Variants in CYTH3 observed in about 807,000 individuals in gnomAD.
CYTH3 encodes cytohesin 3.
CYTH3 carries 23 observed loss-of-function variants against 55.1 expected under a neutral mutation model. That is an observed-to-expected ratio of 0.42 (90% CI 0.30 to 0.59). The LOEUF is 0.59. Ranked by LOEUF, CYTH3 falls within the 20% of genes least tolerant of loss-of-function variation. The pLI is 0.20. For synonymous variants in CYTH3, 249 were observed against 194.9 expected, an observed-to-expected ratio of 1.28 and a Z score of -2.31; for missense variants, 413 against 524.8, an observed-to-expected ratio of 0.79 and a Z score of 2.08.
intron 1 of CYTH3, among the ~76,000 whole-genome samples, chr7:6,260,553 C>G (rs1171021917): frequency 6.6e-6 from 1 of 152,130 alleles, no homozygotes; most frequent in Non-Finnish European, 1.5e-5. Context: ...TAGCCCACTC[C>G]AGTCTAGCTA....
chr7:6,172,851 G>A (rs748858948), intron 6 of CYTH3: 48 of 1,274,530 alleles, frequency 3.8e-5, no homozygotes, highest in East Asian at 5.8e-5. Context: ...CCCAGGCTGC[G>A]CTGTGAGCAC....
At chr7:6,165,682 G>T in intron 10 of CYTH3, 52 bp downstream of exon 10, 2 of 1,613,510 alleles carry the variant, frequency 1.2e-6, no homozygotes, top group Non-Finnish European at 1.7e-6. Context: ...CTCGGCCCCA[G>T]GGCAGCTCCG....
At chr7:6,231,571 G>C (rs900859250) in intron 1 of CYTH3, among the ~76,000 whole-genome samples, 3 of 152,236 alleles carry the variant, frequency 2.0e-5, no homozygotes, top group African/African-American at 7.2e-5. Flanking sequence ...GCACACTGGA[G>C]AAATGTATGT....
intron 5 of CYTH3, 127 bp downstream of exon 5, chr7:6,177,696 G>C (rs1454449253): frequency 1.4e-6 from 1 of 711,790 alleles, no homozygotes; most frequent in Non-Finnish European, 2.4e-6. Context: ...CGGGCATGTG[G>C]ATGCCCACAG....
chr7:6,175,072 C>A (rs1783308929), intron 5 of CYTH3, among the ~76,000 whole-genome samples: 1 of 152,148 alleles, frequency 6.6e-6, no homozygotes, highest in Non-Finnish European at 1.5e-5. Flanking sequence ...TTATAATCTG[C>A]TAAGGACTTA....
At chr7:6,183,507 CT>C (rs1430742186) in intron 4 of CYTH3, among the ~76,000 whole-genome samples, 6 of 152,222 alleles carry the variant, frequency 3.9e-5, no homozygotes, top group African/African-American at 1.4e-4. Flanking sequence ...TCAAGTACTA[CT>C]TCTAGAAATA....
intron 1 of CYTH3, among the ~76,000 whole-genome samples, chr7:6,233,137 G>A (rs1779429347): frequency 1.3e-5 from 2 of 152,116 alleles, no homozygotes; most frequent in African/African-American, 4.8e-5. Flanking sequence ...GTTCTCTGAA[G>A]TTGCTTTCTC....
At chr7:6,190,375 GCTA>G in intron 2 of CYTH3, 71 bp downstream of exon 2, 13 of 997,692 alleles carry the variant, frequency 1.3e-5, no homozygotes, top group African/African-American at 1.8e-5. Context: ...TTTTTGTGAG[GCTA>G]CTCTTTTACT....
chr7:6,244,547 C>G (rs1350419928), intron 1 of CYTH3, among the ~76,000 whole-genome samples: 4 of 152,186 alleles, frequency 2.6e-5, no homozygotes, highest in African/African-American at 9.7e-5. Flanking sequence ...TCACTGCAGC[C>G]TCAACCACCT....
chr7:6,190,428 G>GTTTTTTTTT (rs377416706), intron 2 of CYTH3, 21 bp downstream of exon 2: 23 of 1,266,076 alleles, frequency 1.8e-5, no homozygotes, highest in Admixed American at 1.2e-4. Context: ...TGGATTTTTG[G>GTTTTTTTTT]TTTTTTTTTT....
At chr7:6,199,692 T>A (rs993178159) in intron 1 of CYTH3, among the ~76,000 whole-genome samples, 1 of 152,186 alleles carries the variant, frequency 6.6e-6, no homozygotes, top group Admixed American at 6.5e-5. Flanking sequence ...TTGTTACCGA[T>A]GCAAAACAAT....
At chr7:6,206,920 G>C (rs1367207792) in intron 1 of CYTH3, among the ~76,000 whole-genome samples, 2 of 152,022 alleles carry the variant, frequency 1.3e-5, no homozygotes, top group African/African-American at 4.8e-5. Context: ...TCGTTTTAGA[G>C]AGACTACTAA....
intron 1 of CYTH3, among the ~76,000 whole-genome samples, chr7:6,246,080 A>AT (rs796237115): frequency 1.3e-3 from 194 of 148,754 alleles, no homozygotes; most frequent in Non-Finnish European, 1.8e-3. Flanking sequence ...ATAATTTTTA[A>AT]TTTTTTTTTT....
chr7:6,184,761 A>G (rs1783594623), intron 4 of CYTH3, among the ~76,000 whole-genome samples: 2 of 152,052 alleles, frequency 1.3e-5, no homozygotes, highest in Non-Finnish European at 2.9e-5. Context: ...TATTTTTAGT[A>G]GAGATGGAGT....
At chr7:6,183,441 G>C (rs1336313543) in intron 4 of CYTH3, among the ~76,000 whole-genome samples, 1 of 152,186 alleles carries the variant, frequency 6.6e-6, no homozygotes, top group African/African-American at 2.4e-5. Flanking sequence ...AGAGGCTGCA[G>C]AGTGTTTTCA....
chr7:6,174,834 G>A (rs546400432), intron 5 of CYTH3, among the ~76,000 whole-genome samples: 92 of 152,232 alleles, frequency 6.0e-4, no homozygotes, highest in African/African-American at 1.3e-3. Flanking sequence ...GGCCTGAGCC[G>A]CCACGCCCAG....
At chr7:6,265,844 G>A (rs1160975837) in intron 1 of CYTH3, among the ~76,000 whole-genome samples, 5 of 152,100 alleles carry the variant, frequency 3.3e-5, no homozygotes, top group African/African-American at 1.2e-4. Context: ...GGCAAAAGAA[G>A]TGAAAGATGG....
intron 1 of CYTH3, among the ~76,000 whole-genome samples, chr7:6,226,024 T>C (rs915275916): frequency 3.3e-5 from 5 of 152,100 alleles, no homozygotes; most frequent in Non-Finnish European, 7.3e-5. Context: ...ATTTTTGTCT[T>C]TAAACAAAGA....
chr7:6,170,972 C>G lies in CYTH3; in HGVS notation c.569G>C (p.Cys190Ser). The G allele has an allele frequency of 1.2e-6, 2 of 1,613,838 alleles. No individual in the cohort carries two copies. Among genetic ancestry groups the G allele is most frequent in the South Asian group, 1.1e-5 (1 of 91,082 alleles). The change falls in exon 8 of 13, where the codon TGC (cysteine) becomes TCC (serine). Residue 190 changes from cysteine (C) to serine (S), a missense_variant. This residue lies in a region of CYTH3 where 156 missense variants were observed against 233.1 expected (regional missense o/e 0.67). Coordinates refer to ENST00000350796, the MANE Select transcript of CYTH3 (RefSeq NM_004227.4). This position sits in a 1 kb window ranked among gnomAD's most constrained non-coding sequence, Gnocchi z 7.8. ...GATGATGGCGAATGACAGCACGTAG[C>G]ACGTGTCTGCAACGAGTCCGGGGTG... is the stretch of plus-strand genomic sequence containing the variant. Reference protein sequence around the residue: ...NPGVFQSTDTCYVLSFAIIML... With the variant: ...NPGVFQSTDTSYVLSFAIIML...
Sources: allele counts gnomAD v4.1 joint callset (sites outside exome capture counted in the v4.1 genomes callset), GRCh38; gene constraint gnomAD v4.1.1; regional missense constraint gnomAD v4.1.1; non-coding constraint Gnocchi (gnomAD v3.1); transcripts MANE v1.5; gene names NCBI Gene and HGNC (gene_info 2026-07-23, HGNC 2026-07-21).